Variants in IQSEC1 observed in about 807,000 individuals in gnomAD.
IQSEC1 encodes IQ motif and SEC7 domain-containing protein 1.
IQSEC1 carries 31 observed loss-of-function variants against 91.0 expected under a neutral mutation model. The observed-to-expected ratio is 0.34, with a 90% CI of 0.26 to 0.46. IQSEC1 has a LOEUF of 0.46. Ranked by LOEUF, IQSEC1 falls within the 20% of genes least tolerant of loss-of-function variation. The pLI is 1.00. For synonymous variants in IQSEC1, 699 were observed against 662.6 expected, an observed-to-expected ratio of 1.05 and a Z score of -0.84; for missense variants, 1,388 against 1,575.6, an observed-to-expected ratio of 0.88 and a Z score of 2.02.
chr3:13,042,755 T>C (rs974903881), intron 1 of IQSEC1, among the ~76,000 whole-genome samples: 2 of 152,012 alleles, frequency 1.3e-5, no homozygotes, highest in African/African-American at 4.8e-5. Context: ...GCTCTGCAAG[T>C]CTGTTCTTCC....
At chr3:12,974,509 G>A (rs865801253) in intron 1 of IQSEC1, among the ~76,000 whole-genome samples, 1 of 152,206 alleles carries the variant, frequency 6.6e-6, no homozygotes, top group Non-Finnish European at 1.5e-5. Flanking sequence ...CAGGGCCCGC[G>A]AAGAACAGTC....
chr3:13,133,387 C>G (rs1042579775), intron 2 of IQSEC1, among the ~76,000 whole-genome samples: 3 of 152,246 alleles, frequency 2.0e-5, no homozygotes, highest in Non-Finnish European at 4.4e-5. Context: ...GATTCCATCA[C>G]CATGCTCTGG....
chr3:12,941,559 G>A lies in IQSEC1; in HGVS notation c.318+12C>T. 1 of 1,549,534 alleles carries A rather than the reference G, an allele frequency of 6.5e-7. No individual in the cohort carries two copies. The highest frequency in any genetic ancestry group is 8.8e-7 in the Non-Finnish European group (1 of 1,141,496). On this transcript the variant is annotated intron_variant, in intron 2 of 13. Transcript: ENST00000613206. ...GCTTGCATGTGTGGCCTGAGGGGCT[G>A]TGCTCTCCTACCTGCTTGTCCTGCA...
chr3:13,089,701 C>T (rs1469881084), intron 2 of IQSEC1, among the ~76,000 whole-genome samples: 4 of 152,136 alleles, frequency 2.6e-5, no homozygotes, highest in South Asian at 4.1e-4. Context: ...TTCTATGATT[C>T]GAATGGTGTG....
intron 1 of IQSEC1, among the ~76,000 whole-genome samples, chr3:12,981,969 G>A (rs1034888849): frequency 5.3e-5 from 8 of 152,214 alleles, no homozygotes; most frequent in African/African-American, 1.9e-4. Flanking sequence ...GCTGCAACTG[G>A]AGATCCCCAG....
chr3:13,023,678 G>T (rs565605516), intron 1 of IQSEC1, among the ~76,000 whole-genome samples: 1 of 152,334 alleles, frequency 6.6e-6, no homozygotes, highest in Non-Finnish European at 1.5e-5. Flanking sequence ...ATTCCAGCCT[G>T]ATTCCCACAT....
In IQSEC1 at chr3:12,915,550, C is replaced by T. The variant is rs370466056; in HGVS notation, c.2160+44G>A. Reference sequence around the variant, plus strand: ...AGAAGGCCTGGCAGGCAGCCCCGCCCGGGTGGTGCTGGGGCCCACCACGTA... The same window carrying T: ...AGAAGGCCTGGCAGGCAGCCCCGCCTGGGTGGTGCTGGGGCCCACCACGTA... On this transcript the variant is annotated intron_variant, in intron 7 of 13. Transcript: ENST00000613206. The T allele has an allele frequency of 2.3e-5, 36 of 1,596,290 alleles. No homozygotes were observed. The African/African-American group carries it at 2.4e-4, about 11-fold the overall frequency.
At chr3:12,953,377 C>T (rs1010335601) in intron 1 of IQSEC1, among the ~76,000 whole-genome samples, 5 of 152,248 alleles carry the variant, frequency 3.3e-5, no homozygotes, top group Admixed American at 6.5e-5. Context: ...GACATGCCCC[C>T]GCCCTGGCCT....
chr3:13,262,370 A>G (rs780883286), intron 1 of IQSEC1, among the ~76,000 whole-genome samples: 101 of 152,340 alleles, frequency 6.6e-4, no homozygotes, highest in Non-Finnish European at 1.0e-3. Flanking sequence ...TTAGGGTAGG[A>G]GCCAGCACAC....
At position 12,911,700 on chromosome 3, in the gene IQSEC1, T is replaced by G; in HGVS notation, c.2345A>C (p.Asn782Thr). 1 of 1,612,908 alleles carries G rather than the reference T, an allele frequency of 6.2e-7. No individual in the cohort carries two copies. Among genetic ancestry groups the G allele is most frequent in the South Asian group, 1.1e-5 (1 of 91,070 alleles). ...VVTKIFQKKK[N>T]SVTYSFRQSF... ...CTGTCGGAAGCTGTACGTCACCGAG[T>G]TCTTCTTCTTCTGGAAGATCTTGGT... is the stretch of plus-strand genomic sequence containing the variant. The change falls in exon 10 of 14, where the codon AAC becomes ACC. Residue 782 changes from asparagine to threonine, a missense_variant. Around this residue, in one of 2 missense-constraint regions of IQSEC1, gnomAD observed 1,059 missense variants for 1,317.8 expected, o/e 0.80. Coordinates refer to ENST00000613206, the MANE Select transcript of IQSEC1 (RefSeq NM_001134382.3).
intron 2 of IQSEC1, among the ~76,000 whole-genome samples, chr3:13,149,777 G>A (rs1039210311): frequency 2.6e-5 from 4 of 152,078 alleles, no homozygotes; most frequent in African/African-American, 7.2e-5. Context: ...TGGCTCCTCC[G>A]CCTTCTGCAC....
intron 1 of IQSEC1, among the ~76,000 whole-genome samples, chr3:12,984,397 G>A (rs1481283710): frequency 6.6e-6 from 1 of 152,224 alleles, no homozygotes; most frequent in East Asian, 1.9e-4. Flanking sequence ...CACAGGCCCA[G>A]GGCTGAGCTA....
In IQSEC1 at chr3:13,269,793, G is replaced by A. The variant is rs138160389; in HGVS notation, c.272+12918C>T. Among the ~76,000 whole-genome samples the A allele has an allele frequency of 9.2e-5, 14 of 152,382 alleles. No homozygotes were observed. In the East Asian group the frequency reaches 2.5e-3, roughly 27 times the overall value. On this transcript the variant is annotated intron_variant, in intron 1 of 15. Transcript: ENST00000648114. Reference sequence around the variant, plus strand: ...AGAGCCCAGTCTGAGCAAACCAAATGTGGGAGATTAAGGACCTCTGCAAAT... The same window carrying A: ...AGAGCCCAGTCTGAGCAAACCAAATATGGGAGATTAAGGACCTCTGCAAAT...
intron 2 of IQSEC1, among the ~76,000 whole-genome samples, chr3:13,153,963 G>A (rs1707041129): frequency 6.6e-6 from 1 of 152,106 alleles, no homozygotes; most frequent in Non-Finnish European, 1.5e-5. Flanking sequence ...GGGAGGGGAA[G>A]GCTGGAGTGG....
rs758170522 is a variant in IQSEC1, at chr3:12,936,054, C to T, written c.962G>A (p.Arg321Gln). ...GTAGTCTGGGGCTGCGCCCCCAGCC[C>T]GTAGCCGCAGGTCCGACTCGGTGCT... is the stretch of plus-strand genomic sequence containing the variant. ...PSSTESDLRL[R>Q]AGGAAPDYWA... The change falls in exon 3 of 14, where the codon CGG (arginine) becomes CAG (glutamine). Residue 321 changes from arginine to glutamine, a missense_variant. By Grantham distance (43) the Arg-to-Gln change is conservative. This residue lies in a region of IQSEC1 where 1,059 missense variants were observed against 1,317.8 expected (regional missense o/e 0.80). Transcript: ENST00000613206. 23 of 1,605,530 alleles carry T rather than the reference C, an allele frequency of 1.4e-5. No homozygotes were observed. In the Middle Eastern group the frequency reaches 5.0e-4, roughly 35 times the overall value.
At chr3:13,104,462 A>G (rs1329679937) in intron 2 of IQSEC1, among the ~76,000 whole-genome samples, 2 of 152,120 alleles carry the variant, frequency 1.3e-5, no homozygotes, top group South Asian at 2.1e-4. Context: ...ACAAAAATAC[A>G]TTCACAGCCA....
At chr3:13,264,780 G>A (rs1695455517) in intron 1 of IQSEC1, among the ~76,000 whole-genome samples, 1 of 151,586 alleles carries the variant, frequency 6.6e-6, no homozygotes, top group Admixed American at 6.6e-5. Flanking sequence ...TCTCTCGGGG[G>A]ACTGTCACCC....
chr3:13,219,066 C>T (rs552182464), intron 1 of IQSEC1, among the ~76,000 whole-genome samples: 41 of 152,174 alleles, frequency 2.7e-4, no homozygotes, highest in Non-Finnish European at 5.3e-4. Context: ...AGTCTCCCAG[C>T]GGATCTGGCA....
At chr3:13,107,589 GA>G (rs1264393358) in intron 2 of IQSEC1, among the ~76,000 whole-genome samples, 2 of 152,216 alleles carry the variant, frequency 1.3e-5, no homozygotes, top group African/African-American at 4.8e-5. Context: ...CACATTCCAA[GA>G]AGAGGCTTTG....
Sources: gnomAD v4.1 joint callset for allele counts (sites outside exome capture counted in the v4.1 genomes callset) on GRCh38, gnomAD v4.1.1 for gene constraint, gnomAD v4.1.1 regional missense constraint, MANE v1.5 for transcripts, NCBI Gene and HGNC (gene_info 2026-07-23, HGNC 2026-07-21) for gene names.